Variants in UBA6 observed in about 807,000 individuals in gnomAD.
UBA6 encodes ubiquitin like modifier activating enzyme 6.
A neutral mutation model predicts 148.3 loss-of-function variants in UBA6; 87 were observed. That is an observed-to-expected ratio of 0.59 (90% confidence interval 0.49 to 0.70). The LOEUF (loss-of-function observed/expected upper bound fraction) is 0.70, where lower values mean the gene tolerates loss of function less well. Among genes scored for constraint, UBA6 ranks in the 30% least tolerant of loss-of-function variants. UBA6 has a pLI of 0.00. For synonymous variants in UBA6, 376 were observed against 401.0 expected, an observed-to-expected ratio of 0.94 and a Z score of 0.75; for missense variants, 1,186 against 1,241.2, an observed-to-expected ratio of 0.96 and a Z score of 0.67.
chr4:67,622,308 C>T (rs1728769291), intron 32 of UBA6, among the ~76,000 whole-genome samples: 1 of 152,214 alleles, frequency 6.6e-6, no homozygotes, highest in Non-Finnish European at 1.5e-5. Context: ...AATATAGCAA[C>T]TCAACACCCC....
At chr4:67,623,014 G>T in intron 31 of UBA6, 89 bp from the exon 32 acceptor site, 1 of 1,357,846 alleles carries the variant, frequency 7.4e-7, no homozygotes, top group South Asian at 1.3e-5. Flanking sequence ...AATGTTTTAT[G>T]ACCAGTAAAA....
intron 30 of UBA6, 75 bp from the exon 31 acceptor site, chr4:67,623,297 AC>A: frequency 1.8e-6 from 2 of 1,081,216 alleles, no homozygotes; most frequent in Admixed American, 2.1e-5. Flanking sequence ...CACAAAAAAA[AC>A]CCACTTTCAG....
intron 6 of UBA6, among the ~76,000 whole-genome samples, chr4:67,676,743 C>G (rs2109945656): frequency 6.6e-6 from 1 of 152,252 alleles, no homozygotes; most frequent in African/African-American, 2.4e-5. Context: ...GGCCTCTGAG[C>G]ATTTTCCTTA....
Position 67,693,332 on chromosome 4 carries a change from G to GTATA in UBA6, c.134+3309_134+3312dup, listed in dbSNP as rs142145206. Among the ~76,000 whole-genome samples the GTATA allele has an allele frequency of 3.7e-3, 552 of 150,224 alleles. 3 individuals are homozygous for GTATA. The highest frequency in any genetic ancestry group is 3.5e-3 in the Middle Eastern group (1 of 284). On this transcript the variant is annotated intron_variant, in intron 2 of 32. Transcript: ENST00000322244. Reference sequence around the variant, plus strand: ...GCTTACTTTATTCTAAGAATACTGTGTATATATATATATACAGTATATAAT... The same window carrying GTATA: ...GCTTACTTTATTCTAAGAATACTGTGTATATATATATATATATACAGTATATAAT...
At chr4:67,663,539 TGG>T (rs1250011840) in intron 11 of UBA6, 29 of 349,362 alleles carry the variant, frequency 8.3e-5, no homozygotes, top group Non-Finnish European at 1.2e-4. Flanking sequence ...AAGGCTTTTT[TGG>T]TAAGAAATAT....
rs1728612769 is a variant in UBA6 at position 67,615,791 on chromosome 4, A to C, written c.*3206T>G. On this transcript the variant is annotated 3_prime_UTR_variant, in exon 33 of 33. Transcript: ENST00000322244. ...TTTTAAATAAAACTCAAAAACAAGCAAACTGTATTGTTTAAGTTTACACAC... is the reference window on the plus strand; with the variant it reads ...TTTTAAATAAAACTCAAAAACAAGCCAACTGTATTGTTTAAGTTTACACAC... The C allele has an allele frequency of 4.6e-6, 1 of 215,898 alleles. No individual in the cohort carries two copies. The highest frequency in any genetic ancestry group is 9.5e-5 in the East Asian group (1 of 10,494). The allele number at this position is 215,898 out of a possible 1,614,324, so 13.4% of individuals were successfully genotyped here.
rs761470551 is a variant in UBA6, at chr4:67,662,296, A to G, written c.1038-41T>C. 41 of 1,558,794 alleles carry G rather than the reference A, an allele frequency of 2.6e-5. 1 individual carries two copies. The South Asian group carries it at 4.7e-4, about 18-fold the overall frequency. On this transcript the variant is annotated intron_variant, in intron 12 of 32. Transcript: ENST00000322244. ...GAACACCCTAACTTTAATTTTCTCA[A>G]CTGCCATAAACAGTAGGACATACTC...
In UBA6 at chr4:67,665,190, A is replaced by C; in HGVS notation, c.896T>G (p.Phe299Cys). The part of the protein sequence containing the change: ...VQVKTPKTVF[F>C]ESLERQLKHP... ...TTAAGCCGAAAAAAAAATACTTACA[A>C]AAAAAACTGTTTTAGGAGTCTTAAC... is the stretch of plus-strand genomic sequence containing the variant. The change falls in exon 10 of 33, where the codon TTT (phenylalanine) becomes TGT (cysteine). Residue 299 changes from phenylalanine (F) to cysteine (C), a missense_variant and splice_region_variant. Physicochemically the swap from Phe to Cys is radical, Grantham distance 205 (BLOSUM62 -2). Coordinates refer to ENST00000322244, the MANE Select transcript of UBA6 (RefSeq NM_018227.6). 6.4e-7 allele frequency: 1 copy of C among 1,562,214 alleles called. No homozygotes were observed. Among genetic ancestry groups the C allele is most frequent in the South Asian group, 1.2e-5 (1 of 80,254 alleles).
chr4:67,616,312 T>A lies in UBA6; in HGVS notation c.*2685A>T. The A allele has an allele frequency of 2.6e-6, 1 of 382,926 alleles. No individual in the cohort carries two copies. Among genetic ancestry groups the A allele is most frequent in the Admixed American group, 4.5e-5 (1 of 22,244 alleles). 23.7% of individuals were successfully genotyped at this position (382,926 alleles called of 1,614,324 possible). A position where few individuals can be genotyped will look rare whatever the true frequency, so the allele number is the denominator to read the frequency against. On this transcript the variant is annotated 3_prime_UTR_variant, in exon 33 of 33. Transcript: ENST00000322244. Reference sequence around the variant, plus strand: ...GTGGAAAGATTTAGGTCACGAGATTTTTTTTTTCCCTAAAAATTTCAAAAG... The same window carrying A: ...GTGGAAAGATTTAGGTCACGAGATTATTTTTTTCCCTAAAAATTTCAAAAG...
chr4:67,693,949 T>C (rs1730761274), intron 2 of UBA6, among the ~76,000 whole-genome samples: 1 of 151,910 alleles, frequency 6.6e-6, no homozygotes, highest in South Asian at 2.1e-4. Context: ...GCACGGTGGC[T>C]CGCGCCTGTA....
rs1428892586 is a variant in UBA6 at position 67,614,031 on chromosome 4, T to A, written c.*4966A>T. 1 of 152,280 alleles carries A rather than the reference T, an allele frequency of 6.6e-6. No homozygotes were observed. Among genetic ancestry groups the A allele is most frequent in the East Asian group, 1.9e-4 (1 of 5,182 alleles). The allele number at this position is 152,280 out of a possible 1,614,324, so 9.4% of individuals were successfully genotyped here. On this transcript the variant is annotated 3_prime_UTR_variant, in exon 33 of 33. Coordinates refer to ENST00000322244, the MANE Select transcript of UBA6 (RefSeq NM_018227.6). Reference sequence around the variant, plus strand: ...ATCAACTAAGACCCAGGCATCCTTTTAGGTCCAATAAGAAACACTTTACAA... The same window carrying A: ...ATCAACTAAGACCCAGGCATCCTTTAAGGTCCAATAAGAAACACTTTACAA...
intron 13 of UBA6, among the ~76,000 whole-genome samples, chr4:67,655,469 T>A (rs1729663672): frequency 6.6e-6 from 1 of 152,134 alleles, no homozygotes; most frequent in Admixed American, 6.5e-5. Context: ...AAGGTAGAAA[T>A]AAAGATGTTC....
At chr4:67,678,303 T>G in intron 5 of UBA6, 136 bp downstream of exon 5, 1 of 434,458 alleles carries the variant, frequency 2.3e-6, no homozygotes, top group Non-Finnish European at 4.0e-6. Flanking sequence ...TCATAATACA[T>G]AAAAATATCT....
At chr4:67,623,315 A>G in intron 30 of UBA6, 93 bp from the exon 31 acceptor site, 2 of 808,370 alleles carry the variant, frequency 2.5e-6, no homozygotes. Flanking sequence ...TCAGAAGTCC[A>G]TTATTTGTGA....
At position 67,615,539 on chromosome 4, in the gene UBA6, T is replaced by G. The variant is rs1456965577; in HGVS notation, c.*3458A>C. On this transcript the variant is annotated 3_prime_UTR_variant, in exon 33 of 33. Transcript: ENST00000322244. ...ATATGAATACCCTATGACCAAAAAA[T>G]TCTACTCCTAAATATATACTCTTTG... 1 of 152,206 alleles carries G rather than the reference T, an allele frequency of 6.6e-6. No homozygotes were observed. Among genetic ancestry groups the G allele is most frequent in the African/African-American group, 2.4e-5 (1 of 41,454 alleles). The allele number at this position is 152,206 out of a possible 1,614,324, so 9.4% of individuals were successfully genotyped here.
intron 2 of UBA6, among the ~76,000 whole-genome samples, chr4:67,687,346 A>C (rs1192577929): frequency 6.6e-6 from 1 of 152,098 alleles, no homozygotes; most frequent in African/African-American, 2.4e-5. Context: ...TATTATCCTT[A>C]AGATATAAAA....
intron 13 of UBA6, among the ~76,000 whole-genome samples, chr4:67,658,397 T>C (rs191165615): frequency 4.7e-4 from 72 of 152,318 alleles, no homozygotes; most frequent in Non-Finnish European, 9.1e-4. Flanking sequence ...AAACAGCCCA[T>C]ATCTTCCATC....
rs114854924 is a variant in UBA6, at chr4:67,645,649, A to G, written c.1395+289T>C. ...CACTTCTATATTCCTTCATTTAGTG[A>G]GAAAAAAATTAAAAACCCACCAATT... is the stretch of plus-strand genomic sequence containing the variant. On this transcript the variant is annotated intron_variant, in intron 16 of 32. Coordinates refer to ENST00000322244, the MANE Select transcript of UBA6 (RefSeq NM_018227.6). 9.4e-3 allele frequency among the ~76,000 whole-genome samples: 1,433 copies of G among 152,152 alleles called. 17 individuals carry two copies. Among genetic ancestry groups the G allele is most frequent in the African/African-American group, 0.033 (1,355 of 41,514 alleles).
At chr4:67,624,338 C>G in intron 29 of UBA6, 85 bp from the exon 30 acceptor site, 1 of 1,319,278 alleles carries the variant, frequency 7.6e-7, no homozygotes, top group Non-Finnish European at 1.0e-6. Context: ...TTCACGTTTT[C>G]AAGCATTTCT....
Sources: gnomAD v4.1 joint callset for allele counts (sites outside exome capture counted in the v4.1 genomes callset) on GRCh38, gnomAD v4.1.1 for gene constraint, MANE v1.5 for transcripts, NCBI Gene and HGNC (gene_info 2026-07-23, HGNC 2026-07-21) for gene names.